The following OTC variants were observed in gnomAD, a reference collection of about 807,000 sequenced individuals.
The protein encoded by OTC is ornithine transcarbamylase, also known as ornithine transcarbamylase, mitochondrial.
Under a neutral mutation model 30.3 loss-of-function variants are expected in OTC, and 3 were observed. The observed-to-expected ratio is 0.10, with a 90% CI of 0.05 to 0.26. The LOEUF is 0.26. Among genes scored for constraint, OTC ranks in the 10% least tolerant of loss-of-function variants. The probability of loss-of-function intolerance (pLI) is 1.00; values close to 1 mark genes in which losing one functional copy is unlikely to be tolerated. For missense variants in OTC, 194 were observed against 260.3 expected, an observed-to-expected ratio of 0.75 and a Z score of 1.75; for synonymous variants, 111 against 99.7, an observed-to-expected ratio of 1.11 and a Z score of -0.67.
chrX:38,398,493 C>A (rs774963306), intron 4 of OTC, among the ~76,000 whole-genome samples: 6 of 111,827 alleles, frequency 5.4e-5, no homozygotes, highest in Non-Finnish European at 9.4e-5. Context: ...AGGTCAACTG[C>A]AGTGTTAATC....
At chrX:38,402,211 A>G (rs2068492929) in intron 5 of OTC, among the ~76,000 whole-genome samples, 1 of 112,468 alleles carries the variant, frequency 8.9e-6, no homozygotes, top group Non-Finnish European at 1.9e-5. Context: ...AGAAGATGAT[A>G]TAATTATGTC....
intron 3 of OTC, among the ~76,000 whole-genome samples, chrX:38,377,495 A>T (rs1340321365): frequency 1.8e-5 from 2 of 112,376 alleles, no homozygotes; most frequent in African/African-American, 6.5e-5. Flanking sequence ...AGACTAAAAA[A>T]AATAAAAGAT....
chrX:38,334,353 G>T, the OTC span, among the ~76,000 whole-genome samples: 1 of 112,162 alleles, frequency 8.9e-6, no homozygotes, highest in Non-Finnish European at 1.9e-5. Flanking sequence ...ACACTCTACT[G>T]CTTCTTGAAA....
intron 4 of OTC, among the ~76,000 whole-genome samples, chrX:38,392,384 T>C (rs1049360810): frequency 8.9e-6 from 1 of 111,801 alleles, no homozygotes; most frequent in Non-Finnish European, 1.9e-5. Context: ...CAACTTTTCA[T>C]GTGTAGCATG....
upstream of OTC, among the ~76,000 whole-genome samples, chrX:38,347,791 A>G (rs1451784033): frequency 8.9e-6 from 1 of 111,757 alleles, no homozygotes; most frequent in Non-Finnish European, 1.9e-5. Flanking sequence ...CTCTGAGGGT[A>G]CCGAATGACT....
intron 9 of OTC, among the ~76,000 whole-genome samples, chrX:38,413,161 G>A (rs2068552126): frequency 8.9e-6 from 1 of 112,175 alleles, no homozygotes; most frequent in Non-Finnish European, 1.9e-5. Flanking sequence ...AGCCTCTGGA[G>A]TAGAGAAAAG....
the OTC span, among the ~76,000 whole-genome samples, chrX:38,334,982 C>CT: frequency 7.1e-5 from 8 of 111,968 alleles, no homozygotes; most frequent in African/African-American, 2.6e-4. Context: ...TTATGAGACT[C>CT]TAACTAATGC....
Position 38,409,074 on chromosome X carries a change from C to A in OTC, c.867+49C>A, listed in dbSNP as rs762983427. ...GGTTCATTAATTCCATTCATGAAGG[C>A]CAGAACCATCTAATCACTTATTCAC... On this transcript the variant is annotated intron_variant, in intron 8 of 9. Transcript: ENST00000039007. 3.5e-6 allele frequency: 4 copies of A among 1,133,613 alleles called. No homozygotes were observed. In the East Asian group the frequency reaches 1.2e-4, roughly 34 times the overall value. 93.4% of individuals were successfully genotyped at this position (1,133,613 alleles called of 1,213,427 possible).
At chrX:38,351,480 T>G (rs1028808968), upstream of OTC, among the ~76,000 whole-genome samples, 2 of 111,765 alleles carry the variant, frequency 1.8e-5, no homozygotes, top group African/African-American at 6.5e-5. Context: ...TATGGATATT[T>G]GTTTATAAAT....
chrX:38,386,602 C>T (rs887879974), intron 4 of OTC, among the ~76,000 whole-genome samples: 12 of 110,766 alleles, frequency 1.1e-4, no homozygotes, highest in African/African-American at 2.6e-4. Context: ...ATGTTCTCCG[C>T]GTTCGTTCGT....
chrX:38,352,358 A>G (rs1211145956), upstream of OTC, among the ~76,000 whole-genome samples: 2 of 111,927 alleles, frequency 1.8e-5, no homozygotes, highest in Non-Finnish European at 3.8e-5. Context: ...TGCCTTGCAT[A>G]TATTATATCC....
At chrX:38,397,668 T>C (rs939889972) in intron 4 of OTC, among the ~76,000 whole-genome samples, 2 of 111,709 alleles carry the variant, frequency 1.8e-5, no homozygotes, top group Non-Finnish European at 3.8e-5. Context: ...TTACTTTTCT[T>C]ATTGTATGAG....
At chrX:38,350,152 G>A (rs779476015), upstream of OTC, among the ~76,000 whole-genome samples, 1 of 111,500 alleles carries the variant, frequency 9.0e-6, no homozygotes, top group Non-Finnish European at 1.9e-5. Flanking sequence ...GAGGTCTCCT[G>A]TGGCTTGAAG....
chrX:38,388,267 G>A (rs5963418), intron 4 of OTC, among the ~76,000 whole-genome samples: 10,747 of 111,081 alleles, frequency 0.097, 540 homozygotes, highest in Non-Finnish European at 0.15. Flanking sequence ...CAGTCCTATT[G>A]CTCACTTCCC....
At chrX:38,382,879 G>A (rs2068382816) in intron 4 of OTC, among the ~76,000 whole-genome samples, 1 of 111,756 alleles carries the variant, frequency 8.9e-6, no homozygotes, top group African/African-American at 3.3e-5. Flanking sequence ...GAGTTGAGCA[G>A]TGCAGGTTGG....
At chrX:38,342,996 T>C in the OTC span, among the ~76,000 whole-genome samples, 1 of 111,850 alleles carries the variant, frequency 8.9e-6, no homozygotes, top group Non-Finnish European at 1.9e-5. Context: ...ACCTCCCAAG[T>C]AGGGTCTGAA....
At chrX:38,375,284 A>G (rs2068341109) in intron 3 of OTC, among the ~76,000 whole-genome samples, 1 of 112,253 alleles carries the variant, frequency 8.9e-6, no homozygotes. Flanking sequence ...AGGGAAAAAC[A>G]AGTGCACCAA....
chrX:38,421,865 T>C (rs185655658), downstream of OTC, among the ~76,000 whole-genome samples: 15 of 111,884 alleles, frequency 1.3e-4, no homozygotes, highest in African/African-American at 4.2e-4. Context: ...ATGCATCTAC[T>C]CACACCATAT....
At chrX:38,381,234 C>A in intron 3 of OTC, 108 bp from the exon 4 acceptor site, 1 of 536,554 alleles carries the variant, frequency 1.9e-6, no homozygotes, top group Non-Finnish European at 3.1e-6. Flanking sequence ...AGTTGGAGAG[C>A]TTTAAAGATT....
Sources: allele counts gnomAD v4.1 joint callset (sites outside exome capture counted in the v4.1 genomes callset), GRCh38; gene constraint gnomAD v4.1.1; transcripts MANE v1.5; gene names NCBI Gene and HGNC (gene_info 2026-07-23, HGNC 2026-07-21).